SMIM20: variants seen among roughly 807,000 people sequenced by gnomAD.
SMIM20 encodes mitochondrial translation regulation assembly intermediate of cytochrome c oxidase protein of 7 kDa.
Under a neutral mutation model 8.7 loss-of-function variants are expected in SMIM20, and 3 were observed. The ratio of observed to expected loss-of-function variants is 0.34; its 90% CI spans 0.16 to 0.89. The LOEUF is 0.89. Ranked by LOEUF, SMIM20 falls within the 40% of genes least tolerant of loss-of-function variation. The pLI, the probability that SMIM20 is intolerant of heterozygous loss-of-function variation, is 0.49. For missense variants in SMIM20, 85 were observed against 84.8 expected (o/e 1.00, Z -0.01); for synonymous variants, 44 against 33.6 (o/e 1.31, Z -1.07).
chr4:25,919,151 G>A (rs113142495), intron 1 of SMIM20, among the ~76,000 whole-genome samples: 3 of 151,312 alleles, frequency 2.0e-5, no homozygotes, highest in Non-Finnish European at 2.9e-5. Flanking sequence ...TGATCCACCC[G>A]CCTCGGCCTC....
intron 1 of SMIM20, among the ~76,000 whole-genome samples, chr4:25,916,198 C>A (rs1224941922): frequency 6.6e-6 from 1 of 152,064 alleles, no homozygotes; most frequent in Non-Finnish European, 1.5e-5. Context: ...GCAGTCTGTG[C>A]CTTCCCACTT....
chr4:25,925,030 T>C (rs971592109), intron 1 of SMIM20, among the ~76,000 whole-genome samples: 32 of 152,210 alleles, frequency 2.1e-4, no homozygotes, highest in African/African-American at 7.5e-4. Flanking sequence ...GAATTTAATG[T>C]TTAGACTTGG....
chr4:25,920,748 A>G (rs972142021), intron 1 of SMIM20, among the ~76,000 whole-genome samples: 3 of 152,224 alleles, frequency 2.0e-5, no homozygotes, highest in Admixed American at 6.5e-5. Context: ...CTATTTGGGT[A>G]CACCATTTGG....
At chr4:25,918,288 G>A (rs555166713) in intron 1 of SMIM20, among the ~76,000 whole-genome samples, 46 of 152,224 alleles carry the variant, frequency 3.0e-4, no homozygotes, top group Non-Finnish European at 4.6e-4. Flanking sequence ...AATGGTGGCT[G>A]TTCTCTTGTT....
intron 1 of SMIM20, among the ~76,000 whole-genome samples, chr4:25,915,674 C>T (rs543318729): frequency 6.6e-6 from 1 of 152,250 alleles, no homozygotes; most frequent in South Asian, 2.1e-4. Context: ...CCTTCTTCAG[C>T]GGACGCCTGC....
intron 2 of SMIM20, 114 bp downstream of exon 2, chr4:25,928,483 C>G: frequency 9.9e-7 from 1 of 1,005,228 alleles, no homozygotes; most frequent in Non-Finnish European, 1.4e-6. Context: ...AGCTTAGAGA[C>G]AAGATTGTGA....
chr4:25,924,686 C>A (rs1373458770), intron 1 of SMIM20, among the ~76,000 whole-genome samples: 3 of 152,052 alleles, frequency 2.0e-5, no homozygotes, highest in Admixed American at 6.6e-5. Flanking sequence ...TTTTGTTGAA[C>A]CATTTGAGAG....
At position 25,914,220 on chromosome 4, in the gene SMIM20, C is replaced by T. The variant is rs935513490; in HGVS notation, c.-94C>T. 7 of 1,496,246 alleles carry T rather than the reference C, an allele frequency of 4.7e-6. No individual in the cohort carries two copies. The highest frequency in any genetic ancestry group is 6.3e-6 in the Non-Finnish European group (7 of 1,117,598). 92.7% of individuals were successfully genotyped at this position (1,496,246 alleles called of 1,614,324 possible). On this transcript the variant is annotated 5_prime_UTR_variant, in exon 1 of 3. Coordinates refer to ENST00000506197, the MANE Select transcript of SMIM20 (RefSeq NM_001145432.3). ...GGCCCGGAAGCGAAAGCCTCTCCACCTCTTCCGAGCGGGGTCACGGCCCGG... is the reference window on the plus strand; with the variant it reads ...GGCCCGGAAGCGAAAGCCTCTCCACTTCTTCCGAGCGGGGTCACGGCCCGG...
chr4:25,915,150 T>A (rs1719061218), intron 1 of SMIM20, among the ~76,000 whole-genome samples: 1 of 152,192 alleles, frequency 6.6e-6, no homozygotes, highest in African/African-American at 2.4e-5. Flanking sequence ...CGATTCTGCT[T>A]GTTTCCTTCG....
intron 1 of SMIM20, among the ~76,000 whole-genome samples, chr4:25,915,169 C>T (rs373116255): frequency 2.6e-5 from 4 of 152,056 alleles, no homozygotes; most frequent in African/African-American, 9.7e-5. Flanking sequence ...CGTTTTAAGC[C>T]GATTGCTCAC....
At position 25,914,284 on chromosome 4, in the gene SMIM20, G is replaced by A; in HGVS notation, c.-30G>A. 6.5e-7 allele frequency: 1 copy of A among 1,534,200 alleles called. No individual in the cohort carries two copies. The highest frequency in any genetic ancestry group is 2.5e-5 in the East Asian group (1 of 40,596). ...GGTTTCCGAGAGTGCCGGGCGGTCG[G>A]CGGGTCAGGGCAGCCCGGGGCCTGA... On this transcript the variant is annotated 5_prime_UTR_variant, in exon 1 of 3. Transcript: ENST00000506197.
chr4:25,914,271 T>C lies in SMIM20; in HGVS notation c.-43T>C. 6.5e-7 allele frequency: 1 copy of C among 1,529,852 alleles called. No homozygotes were observed. Among genetic ancestry groups the C allele is most frequent in the South Asian group, 1.2e-5 (1 of 82,718 alleles). The allele number at this position is 1,529,852 out of a possible 1,614,324, so 94.8% of individuals were successfully genotyped here. On this transcript the variant is annotated 5_prime_UTR_variant, in exon 1 of 3. Transcript: ENST00000506197. ...CCGTCGGTAACCTGGTTTCCGAGAG[T>C]GCCGGGCGGTCGGCGGGTCAGGGCA...
rs1711584152 is a variant in SMIM20 at position 25,929,154 on chromosome 4, G to C, written c.167G>C (p.Gly56Ala). 2.6e-6 allele frequency: 4 copies of C among 1,551,846 alleles called. No individual in the cohort carries two copies. The South Asian group carries it at 4.8e-5, about 18-fold the overall frequency. Reference protein sequence around the residue: ...GIVQEDVQPPGLKVWSDPFGR... With the variant: ...GIVQEDVQPPALKVWSDPFGR... ...TTTTTGTTCCTGTTTCTTTCCATAG[G>C]GTTAAAAGTGTGGTCTGATCCATTT... is the stretch of plus-strand genomic sequence containing the variant. Residue 56 changes from glycine to alanine, a missense_variant and splice_region_variant, in exon 3 of 3, where the codon GGG becomes GCG. Transcript: ENST00000506197.
chr4:25,917,974 G>T (rs1490466841), intron 1 of SMIM20, among the ~76,000 whole-genome samples: 1 of 131,200 alleles, frequency 7.6e-6, no homozygotes, highest in Non-Finnish European at 1.6e-5. Flanking sequence ...ACAGAGTCTC[G>T]CTCTTTCGCC....
At chr4:25,914,659 C>T (rs1345435991) in intron 1 of SMIM20, among the ~76,000 whole-genome samples, 1 of 152,192 alleles carries the variant, frequency 6.6e-6, no homozygotes, top group African/African-American at 2.4e-5. Flanking sequence ...GCCGAGCCTC[C>T]TGTGAGACTC....
chr4:25,925,457 G>A (rs1409910128), intron 1 of SMIM20, among the ~76,000 whole-genome samples: 3 of 152,070 alleles, frequency 2.0e-5, no homozygotes, highest in Admixed American at 6.6e-5. Context: ...GGCTGGTCTT[G>A]AACTCTTGAC....
In SMIM20 at chr4:25,928,389, T is replaced by C; in HGVS notation, c.166+20T>C. 1 of 1,541,720 alleles carries C rather than the reference T, an allele frequency of 6.5e-7. No individual in the cohort carries two copies. Among genetic ancestry groups the C allele is most frequent in the Non-Finnish European group, 8.8e-7 (1 of 1,141,234 alleles). ...CACCAGGTAAACTGAAAAAAAAAAATCAAAACCAAATCTTATTTGTACTAC... is the reference window on the plus strand; with the variant it reads ...CACCAGGTAAACTGAAAAAAAAAAACCAAAACCAAATCTTATTTGTACTAC... On this transcript the variant is annotated intron_variant, in intron 2 of 2. Coordinates refer to ENST00000506197, the MANE Select transcript of SMIM20 (RefSeq NM_001145432.3).
chr4:25,917,828 T>A (rs1719117016), intron 1 of SMIM20, among the ~76,000 whole-genome samples: 1 of 152,200 alleles, frequency 6.6e-6, no homozygotes, highest in South Asian at 2.1e-4. Flanking sequence ...TGACTTTTGG[T>A]TGCTGGTTTC....
chr4:25,928,262 C>G, intron 1 of SMIM20, 51 bp from the exon 2 acceptor site: 2 of 1,522,030 alleles, frequency 1.3e-6, no homozygotes, highest in East Asian at 2.5e-5. Flanking sequence ...ACAAATATTT[C>G]TCTCTCCCCG....
Sources: allele counts gnomAD v4.1 joint callset (sites outside exome capture counted in the v4.1 genomes callset), GRCh38; gene constraint gnomAD v4.1.1; transcripts MANE v1.5; gene names NCBI Gene and HGNC (gene_info 2026-07-23, HGNC 2026-07-21).